Variants in AVL9 observed in about 807,000 individuals in gnomAD.
AVL9 encodes the protein late secretory pathway protein AVL9 homolog.
A neutral mutation model predicts 79.2 loss-of-function variants in AVL9; 49 were observed. The observed-to-expected ratio is 0.62, with a 90% CI of 0.49 to 0.79. AVL9 has a LOEUF of 0.79. AVL9 is among the 30% of genes least tolerant of loss of function. The pLI, the probability that AVL9 is intolerant of heterozygous loss-of-function variation, is 0.00. For missense variants in AVL9, 682 were observed against 776.8 expected, an observed-to-expected ratio of 0.88 and a Z score of 1.45; for synonymous variants, 299 against 280.6, an observed-to-expected ratio of 1.07 and a Z score of -0.65.
intron 4 of AVL9, among the ~76,000 whole-genome samples, chr7:32,551,049 G>A (rs1235992893): frequency 1.3e-5 from 2 of 152,128 alleles, no homozygotes; most frequent in Non-Finnish European, 2.9e-5. Flanking sequence ...AAGCAGAGGT[G>A]GAGAGGTTAA....
chr7:32,582,566 TAC>T (rs1791561235), intron 15 of AVL9, among the ~76,000 whole-genome samples: 1 of 152,256 alleles, frequency 6.6e-6, no homozygotes, highest in Non-Finnish European at 1.5e-5. Flanking sequence ...TACATCATTA[TAC>T]GTTATTATTT....
Position 32,524,985 on chromosome 7 carries a change from T to A in AVL9, c.94-18156T>A, listed in dbSNP as rs73299689. ...CCTGGATGTTCAAGGAGGACAATAC[T>A]CATGAGCAGGGAGCTTCCTTTTACC... On this transcript the variant is annotated intron_variant, in intron 1 of 15. Coordinates refer to ENST00000318709, the MANE Select transcript of AVL9 (RefSeq NM_015060.3). Among the ~76,000 whole-genome samples, 550 of 152,276 alleles carry A rather than the reference T, an allele frequency of 3.6e-3. 3 individuals carry two copies. The highest frequency in any genetic ancestry group is 0.013 in the African/African-American group (527 of 41,556).
In AVL9 at chr7:32,553,766, A is replaced by G; in HGVS notation, c.569A>G (p.Lys190Arg). Residue 190 changes from lysine to arginine, a missense_variant and splice_region_variant, in exon 7 of 16, where the codon AAG (lysine) becomes AGG (arginine). Physicochemically the swap from Lys to Arg is conservative, Grantham distance 26. Coordinates refer to ENST00000318709, the MANE Select transcript of AVL9 (RefSeq NM_015060.3). ...PRDLVLHFRHKVLILFKLILL... is the reference protein window; with the variant it reads ...PRDLVLHFRHRVLILFKLILL... ...GATCTTGTCCTTCATTTTCGACACA[A>G]GGTATGGTACCTTATTTAAATAAAT... The G allele has an allele frequency of 1.2e-6, 2 of 1,608,688 alleles. No homozygotes were observed. The highest frequency in any genetic ancestry group is 1.7e-6 in the Non-Finnish European group (2 of 1,175,726).
rs569092045 is a variant in AVL9 at position 32,516,659 on chromosome 7, T to A, written c.93+20857T>A. On this transcript the variant is annotated intron_variant, in intron 1 of 15. Transcript: ENST00000318709. ...GGTCATTCCATGCTTTGAGCCCTCC[T>A]GGAGGTGCTAGACCTCTGGAGACAA... 4.6e-5 allele frequency among the ~76,000 whole-genome samples: 7 copies of A among 151,824 alleles called. No homozygotes were observed. In the South Asian group the frequency reaches 1.5e-3, roughly 32 times the overall value.
intron 4 of AVL9, 114 bp from the exon 5 acceptor site, chr7:32,551,220 C>CT: frequency 4.3e-6 from 3 of 693,386 alleles, no homozygotes; most frequent in Non-Finnish European, 7.5e-6. Context: ...TAGTTACTAA[C>CT]TTTTTTCTCC....
intron 10 of AVL9, among the ~76,000 whole-genome samples, chr7:32,564,404 C>A (rs937571031): frequency 6.6e-6 from 1 of 151,980 alleles, no homozygotes; most frequent in African/African-American, 2.4e-5. Context: ...AGGCTTTTTT[C>A]TCTTGAAGAT....
At chr7:32,582,196 T>C (rs1791542287) in intron 15 of AVL9, among the ~76,000 whole-genome samples, 1 of 152,246 alleles carries the variant, frequency 6.6e-6, no homozygotes. Context: ...TCACCAATTA[T>C]TTACATTTTG....
chr7:32,579,408 TATA>T (rs376492852), intron 13 of AVL9, among the ~76,000 whole-genome samples: 3,131 of 8,304 alleles, frequency 0.38, 1,384 homozygotes, highest in South Asian at 0.66. Flanking sequence ...ATATATTATA[TATA>T]ATATGTTATA....
chr7:32,544,781 T>C lies in AVL9; in HGVS notation c.300+2T>C. ...TGCTATCGACAAATTGAAGCCAAGG[T>C]ACGATAGTTAATAGTGAAAAACAAT... On this transcript the variant is annotated splice_donor_variant, in intron 3 of 15. Coordinates refer to ENST00000318709, the MANE Select transcript of AVL9 (RefSeq NM_015060.3). LOFTEE classifies it high-confidence loss of function. The C allele has an allele frequency of 6.2e-7, 1 of 1,609,820 alleles. No individual in the cohort carries two copies. Among genetic ancestry groups the C allele is most frequent in the Non-Finnish European group, 8.5e-7 (1 of 1,176,626 alleles).
intron 6 of AVL9, 99 bp downstream of exon 6, chr7:32,552,394 A>T (rs1789873732): frequency 1.5e-6 from 1 of 668,630 alleles, no homozygotes; most frequent in African/African-American, 1.8e-5. Context: ...ACATCTCTAT[A>T]TGGGATCTAA....
intron 1 of AVL9, among the ~76,000 whole-genome samples, chr7:32,525,917 T>G (rs1788382219): frequency 6.6e-6 from 1 of 152,162 alleles, no homozygotes. Flanking sequence ...CCAGATAATT[T>G]AGGCATGCGG....
At chr7:32,524,297 C>T (rs1583515986) in intron 1 of AVL9, among the ~76,000 whole-genome samples, 1 of 152,162 alleles carries the variant, frequency 6.6e-6, no homozygotes, top group East Asian at 2.0e-4. Flanking sequence ...AGATGGATCA[C>T]CTGAGGTCAG....
chr7:32,560,891 C>T (rs1790304319), intron 10 of AVL9, among the ~76,000 whole-genome samples: 1 of 152,184 alleles, frequency 6.6e-6, no homozygotes, highest in Non-Finnish European at 1.5e-5. Context: ...TCTCCTTGTA[C>T]ATCTTCATTA....
chr7:32,539,977 C>T (rs1318255976), intron 1 of AVL9, among the ~76,000 whole-genome samples: 2 of 152,230 alleles, frequency 1.3e-5, no homozygotes. Context: ...ATCCCTAGCT[C>T]AAGATCCTTA....
In AVL9 at chr7:32,572,801, C is replaced by CAAAAAAAAAAAAAAAAA. The variant is rs3080635; in HGVS notation, c.1351-382_1351-381insAAAAAAAAAAAAAAAAA. 1.9e-4 allele frequency among the ~76,000 whole-genome samples: 18 copies of CAAAAAAAAAAAAAAAAA among 93,426 alleles called. 1 individual carries two copies. The highest frequency in any genetic ancestry group is 5.0e-4 in the African/African-American group (10 of 19,838). 61.3% of individuals were successfully genotyped at this position (93,426 alleles called of 152,430 possible). On this transcript the variant is annotated intron_variant, in intron 11 of 15. Transcript: ENST00000318709. ...TGGGCGACAGAGCAAGACTCCGTCT[C>CAAAAAAAAAAAAAAAAA]AAAAAAAAAAAAAAAAGAATATTCT...
chr7:32,566,703 C>A (rs1415384174), intron 10 of AVL9, among the ~76,000 whole-genome samples: 3 of 141,654 alleles, frequency 2.1e-5, no homozygotes, highest in South Asian at 4.8e-4. Flanking sequence ...ACGGTGAAAC[C>A]CCATCTCTAC....
chr7:32,498,540 A>G (rs1786967712), intron 1 of AVL9, among the ~76,000 whole-genome samples: 1 of 151,898 alleles, frequency 6.6e-6, no homozygotes, highest in South Asian at 2.1e-4. Flanking sequence ...ATCAGGCCAG[A>G]TGTATTTTAA....
At position 32,572,777 on chromosome 7, in the gene AVL9, G is replaced by A. The variant is rs370379547; in HGVS notation, c.1351-422G>A. Among the ~76,000 whole-genome samples the A allele has an allele frequency of 2.8e-4, 35 of 124,826 alleles. No homozygotes were observed. In the East Asian group the frequency reaches 5.0e-3, roughly 18 times the overall value. The allele number at this position is 124,826 out of a possible 152,430, so 81.9% of individuals were successfully genotyped here. A position where few individuals can be genotyped will look rare whatever the true frequency, so the allele number is the denominator to read the frequency against. On this transcript the variant is annotated intron_variant, in intron 11 of 15. Coordinates refer to ENST00000318709, the MANE Select transcript of AVL9 (RefSeq NM_015060.3). Reference sequence around the variant, plus strand: ...AGATTGTGCCATGGCACTCCAGCCTGGGCGACAGAGCAAGACTCCGTCTCA... The same window carrying A: ...AGATTGTGCCATGGCACTCCAGCCTAGGCGACAGAGCAAGACTCCGTCTCA...
intron 1 of AVL9, among the ~76,000 whole-genome samples, chr7:32,531,442 A>G (rs989384165): frequency 3.9e-5 from 6 of 152,146 alleles, no homozygotes; most frequent in Admixed American, 2.0e-4. Context: ...TAACGTTCCA[A>G]TGACTTTAAA....
Sources: gnomAD v4.1 joint callset for allele counts (sites outside exome capture counted in the v4.1 genomes callset) on GRCh38, gnomAD v4.1.1 for gene constraint, MANE v1.5 for transcripts, NCBI Gene and HGNC (gene_info 2026-07-23, HGNC 2026-07-21) for gene names.